Variants in AGTPBP1 observed in about 807,000 individuals in gnomAD.
AGTPBP1 encodes the protein cytosolic carboxypeptidase 1.
Under a neutral mutation model 143.9 loss-of-function variants are expected in AGTPBP1, and 70 were observed. That is an observed-to-expected ratio of 0.49 (90% CI 0.40 to 0.59). The LOEUF is 0.59. AGTPBP1 is among the 20% of genes least tolerant of loss of function. The pLI is 0.00. For missense variants in AGTPBP1, 1,229 were observed against 1,464.5 expected, an observed-to-expected ratio of 0.84 and a Z score of 2.62; for synonymous variants, 463 against 500.2, an observed-to-expected ratio of 0.93 and a Z score of 0.99.
chr9:85,686,486 C>T (rs933871606), intron 3 of AGTPBP1, among the ~76,000 whole-genome samples: 40 of 152,244 alleles, frequency 2.6e-4, no homozygotes, highest in African/African-American at 9.1e-4. Context: ...AGGACACAAA[C>T]CTCAGCTTTC....
chr9:85,805,244 C>T, the AGTPBP1 span: 10 of 152,388 alleles, frequency 6.6e-5, no homozygotes, highest in Non-Finnish European at 1.2e-4. Flanking sequence ...AAACAAACCC[C>T]CGCGCTCGGC....
chr9:85,724,184 G>T (rs1469448253), intron 1 of AGTPBP1, among the ~76,000 whole-genome samples: 2 of 151,504 alleles, frequency 1.3e-5, no homozygotes, highest in East Asian at 3.9e-4. Context: ...CTACTCAGGA[G>T]GCTGAGGCAG....
At chr9:85,697,161 C>T (rs942277629) in intron 2 of AGTPBP1, among the ~76,000 whole-genome samples, 2 of 152,022 alleles carry the variant, frequency 1.3e-5, no homozygotes, top group African/African-American at 2.4e-5. Flanking sequence ...TCTTTGTACC[C>T]TTCAACAATA....
chr9:85,646,273 G>A, intron 12 of AGTPBP1, 48 bp downstream of exon 12: 1 of 1,370,154 alleles, frequency 7.3e-7, no homozygotes, highest in South Asian at 1.2e-5. Flanking sequence ...TTTTACAACT[G>A]TAGTATATCA....
At chr9:85,664,489 T>C (rs1258348362) in intron 8 of AGTPBP1, among the ~76,000 whole-genome samples, 1 of 152,188 alleles carries the variant, frequency 6.6e-6, no homozygotes, top group Non-Finnish European at 1.5e-5. Flanking sequence ...TATGGGACCC[T>C]AGAAGTACTG....
the AGTPBP1 span, chr9:85,753,390 G>A: frequency 6.2e-7 from 1 of 1,613,790 alleles, no homozygotes; most frequent in East Asian, 2.2e-5. Flanking sequence ...AAGGAGAAAA[G>A]GTTCGTTTGG....
chr9:85,603,483 C>T (rs1829797646), intron 17 of AGTPBP1, among the ~76,000 whole-genome samples: 1 of 152,156 alleles, frequency 6.6e-6, no homozygotes, highest in East Asian at 1.9e-4. Context: ...GGCTAAAGAG[C>T]CCTTGGGCCT....
chr9:85,776,392 A>G, the AGTPBP1 span, among the ~76,000 whole-genome samples: 1 of 152,178 alleles, frequency 6.6e-6, no homozygotes, highest in Admixed American at 6.5e-5. Flanking sequence ...TGCCTTTAGC[A>G]AGCACCTCAG....
chr9:85,741,362 G>C (rs966480731), intron 1 of AGTPBP1: 3 of 985,332 alleles, frequency 3.0e-6, no homozygotes, highest in Non-Finnish European at 2.4e-6. Flanking sequence ...GGGGGAGAGC[G>C]GGGCTGGGCG....
intron 13 of AGTPBP1, among the ~76,000 whole-genome samples, chr9:85,636,557 C>T (rs182331324): frequency 6.6e-6 from 1 of 151,788 alleles, no homozygotes; most frequent in East Asian, 1.9e-4. Flanking sequence ...GCACCTGGCC[C>T]CTAGTAGATA....
intron 1 of AGTPBP1, among the ~76,000 whole-genome samples, chr9:85,733,045 TACTTAATAC>T (rs1838993880): frequency 6.6e-6 from 1 of 152,178 alleles, no homozygotes. Flanking sequence ...AAAAGGTGGA[TACTTAATAC>T]ACCATTCTCA....
chr9:85,601,346 G>A (rs980495228), intron 17 of AGTPBP1, among the ~76,000 whole-genome samples: 1 of 152,190 alleles, frequency 6.6e-6, no homozygotes, highest in African/African-American at 2.4e-5. Context: ...ATCACGTGAG[G>A]GGCTTGAGGA....
In AGTPBP1 at chr9:85,554,535, A is replaced by C. The variant is rs1587613063; in HGVS notation, c.3504-7249T>G. Among the ~76,000 whole-genome samples the C allele has an allele frequency of 2.0e-5, 3 of 152,308 alleles. No homozygotes were observed. In the South Asian group the frequency reaches 6.2e-4, roughly 32 times the overall value. ...AAGCCAGGAGGAGGCGTGAACCAAGAGTTCAAAGAGGTTTCATACATTTTG... is the reference window on the plus strand; with the variant it reads ...AAGCCAGGAGGAGGCGTGAACCAAGCGTTCAAAGAGGTTTCATACATTTTG... On this transcript the variant is annotated intron_variant, in intron 25 of 25. Coordinates refer to ENST00000357081, the MANE Select transcript of AGTPBP1 (RefSeq NM_001330701.2).
upstream of AGTPBP1, chr9:85,741,976 A>C (rs994092951): frequency 8.1e-7 from 1 of 1,230,806 alleles, no homozygotes; most frequent in African/African-American, 1.6e-5. Context: ...GGGCAACGTC[A>C]GCGCGGCGCC....
intron 24 of AGTPBP1, 79 bp downstream of exon 24, chr9:85,578,841 A>G: frequency 1.4e-6 from 2 of 1,391,302 alleles, no homozygotes. Flanking sequence ...CATTTAATAT[A>G]TACTTAAAAA....
At chr9:85,674,090 T>A (rs1834668603) in intron 6 of AGTPBP1, among the ~76,000 whole-genome samples, 1 of 138,732 alleles carries the variant, frequency 7.2e-6, no homozygotes, top group Non-Finnish European at 1.5e-5. Context: ...ACCACTGCAC[T>A]CCAGCCTGGG....
upstream of AGTPBP1, among the ~76,000 whole-genome samples, chr9:85,746,054 A>T (rs1564208419): frequency 6.6e-6 from 1 of 152,148 alleles, no homozygotes; most frequent in Non-Finnish European, 1.5e-5. Flanking sequence ...AACATGGTGC[A>T]GATCAACAGG....
At chr9:85,674,060 T>C (rs1248947863) in intron 6 of AGTPBP1, among the ~76,000 whole-genome samples, 1 of 149,678 alleles carries the variant, frequency 6.7e-6, no homozygotes, top group Non-Finnish European at 1.5e-5. Flanking sequence ...GAGGAGGAGC[T>C]TGCAGTGAGC....
At chr9:85,686,123 T>C (rs1438970785) in intron 3 of AGTPBP1, among the ~76,000 whole-genome samples, 1 of 151,828 alleles carries the variant, frequency 6.6e-6, no homozygotes, top group Admixed American at 6.6e-5. Flanking sequence ...ACATTAAATG[T>C]TAACAGACCA....
Sources: gnomAD v4.1 joint callset for allele counts (sites outside exome capture counted in the v4.1 genomes callset) on GRCh38, gnomAD v4.1.1 for gene constraint, MANE v1.5 for transcripts, NCBI Gene and HGNC (gene_info 2026-07-23, HGNC 2026-07-21) for gene names.